Variants in TCEA2 observed in about 807,000 individuals in gnomAD.
The protein encoded by TCEA2 is transcription elongation factor A protein 2.
In TCEA2, 21 loss-of-function variants were observed where a neutral mutation model predicts 40.8. The observed-to-expected ratio is 0.51, with a 90% CI of 0.36 to 0.74. The LOEUF (loss-of-function observed/expected upper bound fraction) is 0.74, where lower values mean the gene tolerates loss of function less well. Ranked by LOEUF, TCEA2 falls within the 30% of genes least tolerant of loss-of-function variation. The probability of loss-of-function intolerance (pLI) is 0.00; values close to 1 mark genes in which losing one functional copy is unlikely to be tolerated. For missense variants in TCEA2, 326 were observed against 426.5 expected, an observed-to-expected ratio of 0.76 and a Z score of 2.08; for synonymous variants, 165 against 162.7, an observed-to-expected ratio of 1.01 and a Z score of -0.11.
rs1407683598 is a variant in TCEA2, at chr20:64,072,223, C to T, written c.*43C>T. 6.3e-7 allele frequency: 1 copy of T among 1,599,816 alleles called. No homozygotes were observed. Among genetic ancestry groups the T allele is most frequent in the Admixed American group, 1.7e-5 (1 of 59,070 alleles). ...CTGCAGCCTTGGGCCCTCCCCGGCC[C>T]ACGTCCTCCGTTGACACAGCTTCTC... is the stretch of plus-strand genomic sequence containing the variant. On this transcript the variant is annotated 3_prime_UTR_variant, in exon 10 of 10. Coordinates refer to ENST00000343484, the MANE Select transcript of TCEA2 (RefSeq NM_003195.6).
chr20:64,064,827 G>A (rs2059649518), intron 1 of TCEA2, among the ~76,000 whole-genome samples: 1 of 152,200 alleles, frequency 6.6e-6, no homozygotes, highest in Admixed American at 6.5e-5. Context: ...GTAGGGGTCT[G>A]CGAACCATTC....
intron 1 of TCEA2, chr20:64,063,911 C>T (rs2059627192): frequency 6.5e-6 from 1 of 154,252 alleles, no homozygotes; most frequent in Non-Finnish European, 1.4e-5. Context: ...CCCTCCGTCT[C>T]CCATAGCATT....
At chr20:64,061,821 C>T (rs1252927409), upstream of TCEA2, among the ~76,000 whole-genome samples, 9 of 152,150 alleles carry the variant, frequency 5.9e-5, no homozygotes, top group East Asian at 3.9e-4. Flanking sequence ...CTCCGCCTTC[C>T]GGGTTCCAGC....
chr20:64,068,285 T>C, intron 4 of TCEA2, 151 bp downstream of exon 4: 1 of 709,750 alleles, frequency 1.4e-6, no homozygotes, highest in South Asian at 1.7e-5. Context: ...CCTTGTGGTG[T>C]GTCCCGCCTG....
chr20:64,056,053 A>G (rs2059469957), upstream of TCEA2, among the ~76,000 whole-genome samples: 1 of 151,434 alleles, frequency 6.6e-6, no homozygotes, highest in Non-Finnish European at 1.5e-5. Context: ...TGTGTGGGGG[A>G]AGTGCATTGT....
intron 8 of TCEA2, 94 bp downstream of exon 8, chr20:64,070,729 C>A: frequency 1.4e-6 from 2 of 1,436,630 alleles, no homozygotes; most frequent in Non-Finnish European, 1.8e-6. Flanking sequence ...GCCTCTGCTG[C>A]ATGAATTTCC....
intron 4 of TCEA2, 43 bp downstream of exon 4, chr20:64,068,177 G>C (rs753460347): frequency 2.6e-6 from 4 of 1,538,684 alleles, no homozygotes; most frequent in Non-Finnish European, 3.6e-6. Flanking sequence ...CTGCTTCCCA[G>C]CCTGTTTCCT....
At position 64,070,371 on chromosome 20, in the gene TCEA2, G is replaced by A. The variant is rs1021508673; in HGVS notation, c.629G>A (p.Cys210Tyr). 2 of 1,614,104 alleles carry A rather than the reference G, an allele frequency of 1.2e-6. No homozygotes were observed. Among genetic ancestry groups the A allele is most frequent in the African/African-American group, 1.3e-5 (1 of 74,954 alleles). Reference protein sequence around the residue: ...KNPDLRRNVLCGAITPQQIAV... With the variant: ...KNPDLRRNVLYGAITPQQIAV... ...CCTGACCTGCGGCGGAATGTGCTGTGTGGGGCCATAACACCCCAGCAGATC... is the reference window on the plus strand; with the variant it reads ...CCTGACCTGCGGCGGAATGTGCTGTATGGGGCCATAACACCCCAGCAGATC... Residue 210 changes from cysteine (C) to tyrosine (Y), a missense_variant, in exon 7 of 10, where the codon TGT becomes TAT. Transcript: ENST00000343484.
At chr20:64,056,369 G>A (rs912324954), upstream of TCEA2, among the ~76,000 whole-genome samples, 2 of 152,172 alleles carry the variant, frequency 1.3e-5, no homozygotes, top group African/African-American at 2.4e-5. Context: ...AAGCCCCGTC[G>A]CTGCCCTGCT....
At chr20:64,068,651 AG>A (rs1475385443) in intron 4 of TCEA2, among the ~76,000 whole-genome samples, 2 of 152,258 alleles carry the variant, frequency 1.3e-5, no homozygotes, top group African/African-American at 4.8e-5. Context: ...TATAGCCGAG[AG>A]ATGGCTTTGC....
At chr20:64,067,125 C>A (rs2059713892) in intron 3 of TCEA2, 105 bp downstream of exon 3, 3 of 1,263,958 alleles carry the variant, frequency 2.4e-6, no homozygotes, top group Non-Finnish European at 3.4e-6. Flanking sequence ...CACCCTGAGC[C>A]AGGTCGCTTG....
Position 64,066,486 on chromosome 20 carries a change from T to C in TCEA2, c.83T>C (p.Met28Thr). ...TCCTTCTCCTTCCAGGAGGGAGCCA[T>C]GGATTTGCTGCGGGAGCTGAAGGCC... ...MVTKKSAEGA[M>T]DLLRELKAMP... The change falls in exon 2 of 10, where the codon ATG becomes ACG. Residue 28 changes from methionine (M) to threonine (T), a missense_variant. Met to Thr is a moderately conservative substitution (Grantham distance 81). Coordinates refer to ENST00000343484, the MANE Select transcript of TCEA2 (RefSeq NM_003195.6). 1 of 1,613,856 alleles carries C rather than the reference T, an allele frequency of 6.2e-7. No homozygotes were observed. Among genetic ancestry groups the C allele is most frequent in the Non-Finnish European group, 8.5e-7 (1 of 1,179,858 alleles).
At position 64,063,297 on chromosome 20, in the gene TCEA2, C is replaced by A. The variant is rs1196385668; in HGVS notation, c.-16C>A. On this transcript the variant is annotated 5_prime_UTR_variant, in exon 1 of 10. Coordinates refer to ENST00000343484, the MANE Select transcript of TCEA2 (RefSeq NM_003195.6). ...AGGCGGGCGCGACGGGCGCGGGGGT[C>A]GCTGCTCCTGAGGCGATGATGGGCA... 8 of 1,521,312 alleles carry A rather than the reference C, an allele frequency of 5.3e-6. No homozygotes were observed. The allele number at this position is 1,521,312 out of a possible 1,614,324, so 94.2% of individuals were successfully genotyped here. A position where few individuals can be genotyped will look rare whatever the true frequency, so the allele number is the denominator to read the frequency against.
chr20:64,060,210 G>A (rs934134709), upstream of TCEA2, among the ~76,000 whole-genome samples: 1 of 152,160 alleles, frequency 6.6e-6, no homozygotes, highest in Admixed American at 6.5e-5. Context: ...GCCCTTACCA[G>A]CATCTCAGGA....
At chr20:64,061,510 C>T (rs1166397011), upstream of TCEA2, among the ~76,000 whole-genome samples, 4 of 152,136 alleles carry the variant, frequency 2.6e-5, no homozygotes, top group East Asian at 1.9e-4. Flanking sequence ...CTCCTGACCT[C>T]GTGATCCGTC....
In TCEA2 at chr20:64,071,851, C is replaced by T. The variant is rs751519149; in HGVS notation, c.820-19C>T. The stretch of plus-strand genomic sequence containing the variant: ...CGGAGCATGGAGGTGACCCTGGGTT[C>T]ACCCAGCCCTGTTCACAGGTGCAGA... On this transcript the variant is annotated intron_variant, in intron 8 of 9. Transcript: ENST00000343484. 1 of 1,612,826 alleles carries T rather than the reference C, an allele frequency of 6.2e-7. No homozygotes were observed. Among genetic ancestry groups the T allele is most frequent in the Non-Finnish European group, 8.5e-7 (1 of 1,179,568 alleles).
intron 6 of TCEA2, 192 bp from the exon 7 acceptor site, chr20:64,070,068 G>T: frequency 1.1e-6 from 1 of 943,742 alleles, no homozygotes; most frequent in Non-Finnish European, 1.6e-6. Flanking sequence ...CTGGGTCTCA[G>T]TCAGGAATGG....
chr20:64,068,617 C>T (rs1312293872), intron 4 of TCEA2, among the ~76,000 whole-genome samples: 1 of 152,238 alleles, frequency 6.6e-6, no homozygotes, highest in African/African-American at 2.4e-5. Flanking sequence ...CAGCTGGGAG[C>T]TGGGGGTGCT....
At chr20:64,071,801 C>T (rs1460517463) in intron 8 of TCEA2, 69 bp from the exon 9 acceptor site, 3 of 1,580,070 alleles carry the variant, frequency 1.9e-6, no homozygotes, top group Admixed American at 1.7e-5. Flanking sequence ...CCGCACTGCC[C>T]ATGTTGAGGG....
Sources: gnomAD v4.1 joint callset for allele counts (sites outside exome capture counted in the v4.1 genomes callset) on GRCh38, gnomAD v4.1.1 for gene constraint, MANE v1.5 for transcripts, NCBI Gene and HGNC (gene_info 2026-07-23, HGNC 2026-07-21) for gene names.